Variants in ARMH3 observed in about 807,000 individuals in gnomAD.
ARMH3 encodes the protein armadillo-like helical domain-containing protein 3.
In ARMH3, 60 loss-of-function variants were observed where a neutral mutation model predicts 99.1. The ratio of observed to expected loss-of-function variants is 0.61; its 90% CI spans 0.49 to 0.75. The LOEUF is 0.75. Among genes scored for constraint, ARMH3 ranks in the 30% least tolerant of loss-of-function variants. The pLI, the probability that ARMH3 is intolerant of heterozygous loss-of-function variation, is 0.00. For missense variants in ARMH3, 679 were observed against 843.1 expected (o/e 0.81, Z 2.41); for synonymous variants, 285 against 292.8 (o/e 0.97, Z 0.27).
At position 102,002,091 on chromosome 10, in the gene ARMH3, A is replaced by G; in HGVS notation, c.1049-19T>C. ...CTTATAACTGGAATAGAACAGATAAAATGCACTTAGCCTGCAACATATTCC... is the reference window on the plus strand; with the variant it reads ...CTTATAACTGGAATAGAACAGATAAGATGCACTTAGCCTGCAACATATTCC... On this transcript the variant is annotated intron_variant, in intron 14 of 25. Coordinates refer to ENST00000370033, the MANE Select transcript of ARMH3 (RefSeq NM_024541.3). 6.2e-7 allele frequency: 1 copy of G among 1,612,924 alleles called. No homozygotes were observed. Among genetic ancestry groups the G allele is most frequent in the Non-Finnish European group, 8.5e-7 (1 of 1,179,860 alleles).
At chr10:101,953,017 C>T (rs1016284301) in intron 22 of ARMH3, among the ~76,000 whole-genome samples, 1 of 152,176 alleles carries the variant, frequency 6.6e-6, no homozygotes, top group Non-Finnish European at 1.5e-5. Context: ...GCATAATATC[C>T]CACTGGGTGT....
At chr10:101,912,762 G>A (rs1006390413) in intron 23 of ARMH3, among the ~76,000 whole-genome samples, 15 of 152,326 alleles carry the variant, frequency 9.8e-5, no homozygotes, top group African/African-American at 2.6e-4. Flanking sequence ...GGAAAAGCAC[G>A]CAGTCTTTCA....
At position 101,975,241 on chromosome 10, in the gene ARMH3, AG is replaced by A; in HGVS notation, c.1465del (p.Leu489CysfsTer12). 1 of 1,612,266 alleles carries A rather than the reference AG, an allele frequency of 6.2e-7. No homozygotes were observed. On this transcript the variant is annotated frameshift_variant, in exon 20 of 26. Coordinates refer to ENST00000370033, the MANE Select transcript of ARMH3 (RefSeq NM_024541.3). LOFTEE classifies it high-confidence loss of function. ...LCYQKKCRVRLHYTWRELWSA... is the reference protein window; with the variant it reads ...LCYQKKCRVRXHYTWRELWSA... ...CCAGAGCTCCCGCCAGGTGTAATGCAGGCGTACCCGACACTTCTTCTGGTAG... is the reference window on the plus strand; with the variant it reads ...CCAGAGCTCCCGCCAGGTGTAATGCAGCGTACCCGACACTTCTTCTGGTAG...
chr10:102,001,800 T>C (rs1362356007), intron 15 of ARMH3, among the ~76,000 whole-genome samples, 171 bp downstream of exon 15: 2 of 152,196 alleles, frequency 1.3e-5, no homozygotes, highest in Non-Finnish European at 2.9e-5. Flanking sequence ...CACCACCTAA[T>C]TGCCATCTAG....
chr10:101,973,370 A>G (rs1845855282), intron 20 of ARMH3, among the ~76,000 whole-genome samples: 1 of 151,934 alleles, frequency 6.6e-6, no homozygotes, highest in African/African-American at 2.4e-5. Flanking sequence ...AAAAAAAAAA[A>G]AAAAAAAAGA....
chr10:101,992,654 C>A (rs1403765887), intron 17 of ARMH3, among the ~76,000 whole-genome samples: 1 of 152,000 alleles, frequency 6.6e-6, no homozygotes. Flanking sequence ...TGCCACCACA[C>A]CCGGCTAATT....
chr10:101,867,788 C>G (rs971248447), intron 24 of ARMH3, among the ~76,000 whole-genome samples: 2 of 151,544 alleles, frequency 1.3e-5, no homozygotes, highest in Non-Finnish European at 2.9e-5. Flanking sequence ...GCAGTGATCA[C>G]GTGAATGCGC....
intron 9 of ARMH3, among the ~76,000 whole-genome samples, 161 bp downstream of exon 9, chr10:102,013,807 C>T (rs1310668171): frequency 1.3e-5 from 2 of 152,154 alleles, no homozygotes; most frequent in African/African-American, 2.4e-5. Context: ...GACAGTAAAA[C>T]GGTAGCACTG....
chr10:101,892,616 TA>T (rs890973440), intron 23 of ARMH3, among the ~76,000 whole-genome samples: 1 of 151,202 alleles, frequency 6.6e-6, no homozygotes, highest in South Asian at 2.1e-4. Flanking sequence ...ACCAAAAACT[TA>T]AAAAAAAATA....
chr10:101,929,028 G>A (rs1843619523), intron 23 of ARMH3, among the ~76,000 whole-genome samples: 1 of 152,100 alleles, frequency 6.6e-6, no homozygotes, highest in South Asian at 2.1e-4. Context: ...ACCACACCTG[G>A]CCAATAAAAT....
chr10:101,851,596 C>T (rs1407980710), intron 24 of ARMH3, among the ~76,000 whole-genome samples: 1 of 152,204 alleles, frequency 6.6e-6, no homozygotes, highest in Non-Finnish European at 1.5e-5. Flanking sequence ...GCACTGTTCC[C>T]TGCACCAGTC....
At chr10:101,944,875 C>A (rs1017514237) in intron 22 of ARMH3, among the ~76,000 whole-genome samples, 3 of 151,698 alleles carry the variant, frequency 2.0e-5, no homozygotes, top group African/African-American at 7.3e-5. Context: ...AAGATGAAAA[C>A]AACGGACCTC....
At chr10:101,881,345 G>C (rs1388756079) in intron 24 of ARMH3, among the ~76,000 whole-genome samples, 2 of 152,040 alleles carry the variant, frequency 1.3e-5, no homozygotes, top group Non-Finnish European at 2.9e-5. Context: ...TGGTTGAAAA[G>C]AACACCACCT....
chr10:101,916,973 C>T (rs1843114803), intron 23 of ARMH3, among the ~76,000 whole-genome samples: 1 of 152,182 alleles, frequency 6.6e-6, no homozygotes, highest in African/African-American at 2.4e-5. Context: ...AGTCCTTCAA[C>T]CTTTAATTGG....
chr10:102,031,027 G>T (rs1028366118), intron 4 of ARMH3, among the ~76,000 whole-genome samples: 8 of 151,616 alleles, frequency 5.3e-5, no homozygotes, highest in African/African-American at 1.2e-4. Flanking sequence ...CCAGTGATCT[G>T]CCCCCCTCAG....
intron 22 of ARMH3, among the ~76,000 whole-genome samples, chr10:101,942,011 T>C (rs1844263688): frequency 6.6e-6 from 1 of 152,158 alleles, no homozygotes; most frequent in Admixed American, 6.5e-5. Context: ...TGTCCACGGA[T>C]TACTTCTCTG....
At chr10:101,922,146 G>C in intron 23 of ARMH3, among the ~76,000 whole-genome samples, 1 of 152,306 alleles carries the variant, frequency 6.6e-6, no homozygotes, top group East Asian at 1.9e-4. Context: ...AAGGTGTCCA[G>C]TTACACACCT....
chr10:101,889,764 ATT>A, intron 23 of ARMH3: 1 of 384,718 alleles, frequency 2.6e-6, no homozygotes. Context: ...AAACAAAAAT[ATT>A]GAGTCCTTCA....
chr10:102,004,232 G>A (rs1169417079), intron 14 of ARMH3, among the ~76,000 whole-genome samples: 5 of 152,038 alleles, frequency 3.3e-5, no homozygotes, highest in African/African-American at 9.7e-5. Flanking sequence ...ATATAAGTGG[G>A]CTACTGAACA....
Sources: gnomAD v4.1 joint callset for allele counts (sites outside exome capture counted in the v4.1 genomes callset) on GRCh38, gnomAD v4.1.1 for gene constraint, MANE v1.5 for transcripts, NCBI Gene and HGNC (gene_info 2026-07-23, HGNC 2026-07-21) for gene names.